Variants in FRAS1 observed in about 807,000 individuals in gnomAD.
FRAS1 encodes extracellular matrix organizing protein FRAS1.
A neutral mutation model predicts 435.2 loss-of-function variants in FRAS1; 290 were observed. The observed-to-expected ratio is 0.67, with a 90% confidence interval of 0.61 to 0.73. The LOEUF is 0.73. Among genes scored for constraint, FRAS1 ranks in the 30% least tolerant of loss-of-function variants. The pLI is 0.00. For synonymous variants in FRAS1, 1,800 were observed against 1,851.0 expected (o/e 0.97, Z 0.71); for missense variants, 4,860 against 5,001.5 (o/e 0.97, Z 0.85).
intron 47 of FRAS1, among the ~76,000 whole-genome samples, chr4:78,462,332 G>A (rs558674684): frequency 1.3e-5 from 2 of 151,958 alleles, no homozygotes; most frequent in African/African-American, 4.8e-5. Flanking sequence ...CTAAGATTGT[G>A]TCACTGCACT....
chr4:78,410,568 G>A (rs1384377717), intron 31 of FRAS1, among the ~76,000 whole-genome samples: 1 of 152,104 alleles, frequency 6.6e-6, no homozygotes, highest in Non-Finnish European at 1.5e-5. Flanking sequence ...GAACTCCTGT[G>A]TGAAATTGCC....
chr4:78,411,641 A>G (rs898564261), intron 31 of FRAS1, among the ~76,000 whole-genome samples: 1 of 152,198 alleles, frequency 6.6e-6, no homozygotes, highest in African/African-American at 2.4e-5. Context: ...GCCTTAGGAA[A>G]TGTGGTTCAA....
chr4:78,305,971 A>G (rs1480150124), intron 14 of FRAS1, among the ~76,000 whole-genome samples: 1 of 151,202 alleles, frequency 6.6e-6, no homozygotes, highest in East Asian at 1.9e-4. Context: ...TGGTCTTTAC[A>G]TTTTGGCATG....
intron 15 of FRAS1, among the ~76,000 whole-genome samples, chr4:78,312,735 G>A (rs1391542782): frequency 1.3e-5 from 2 of 152,052 alleles, no homozygotes; most frequent in African/African-American, 4.8e-5. Context: ...TGGAAGCTGA[G>A]GCAGGAGAAT....
At chr4:78,535,680 A>G (rs534284824) in intron 71 of FRAS1, among the ~76,000 whole-genome samples, 8 of 152,242 alleles carry the variant, frequency 5.3e-5, no homozygotes, top group Middle Eastern at 3.4e-3. Context: ...TTAGGTGCCT[A>G]TCTCTCACTA....
rs1378108639 is a variant in FRAS1, at chr4:78,407,673, C to A, written c.4140C>A (p.Val1380=). Residue 1380 remains valine (V), a synonymous_variant, in exon 31 of 74, where the codon GTC becomes GTA. Transcript: ENST00000512123. The part of the protein sequence containing the change: ...TQDYPQFGEV[V]LLVNMPADSP... ...CCTGTGCCTTCCTAGGGGAGGTGGT[C>A]CTTCTAGTGAATATGCCTGCAGACA... 1 of 1,611,676 alleles carries A rather than the reference C, an allele frequency of 6.2e-7. No individual in the cohort carries two copies. The highest frequency in any genetic ancestry group is 1.1e-5 in the South Asian group (1 of 90,466).
intron 60 of FRAS1, among the ~76,000 whole-genome samples, chr4:78,498,940 A>G (rs1006337367): frequency 2.0e-5 from 3 of 151,954 alleles, no homozygotes; most frequent in Non-Finnish European, 4.4e-5. Context: ...CTCGACCACC[A>G]GGGCTCAAGT....
In FRAS1 at chr4:78,356,046, T is replaced by C. The variant is rs192446694; in HGVS notation, c.2423-7467T>C. Among the ~76,000 whole-genome samples, 105 of 152,274 alleles carry C rather than the reference T, an allele frequency of 6.9e-4. 1 individual carries two copies. The highest frequency in any genetic ancestry group is 2.5e-3 in the African/African-American group (103 of 41,548). On this transcript the variant is annotated intron_variant, in intron 20 of 73. Coordinates refer to ENST00000512123, the MANE Select transcript of FRAS1 (RefSeq NM_025074.7). ...AGTAAAATGACTGGTGTCATAGCAG[T>C]TTATTGGGTCACATAGTTACCTCCC...
intron 33 of FRAS1, among the ~76,000 whole-genome samples, chr4:78,419,773 GA>G (rs1195175291): frequency 3.3e-5 from 5 of 152,182 alleles, no homozygotes; most frequent in Non-Finnish European, 7.3e-5. Context: ...GAGGCCTCAG[GA>G]AACTTACAAT....
chr4:78,058,047 C>A lies in FRAS1; in HGVS notation c.38C>A (p.Ala13Glu). The part of the protein sequence containing the change: ...VLKVWLGLAL[A>E]LAEFAVLPHH... ...AAAGTGTGGCTCGGGCTGGCCCTAG[C>A]GTTGGCGGAATTTGCAGTATTGCCT... Residue 13 changes from alanine (A) to glutamate (E), a missense_variant, in exon 1 of 74, where the codon GCG becomes GAG. Coordinates refer to ENST00000512123, the MANE Select transcript of FRAS1 (RefSeq NM_025074.7). The A allele has an allele frequency of 6.2e-7, 1 of 1,613,822 alleles. No homozygotes were observed. The highest frequency in any genetic ancestry group is 8.5e-7 in the Non-Finnish European group (1 of 1,179,856).
intron 2 of FRAS1, among the ~76,000 whole-genome samples, chr4:78,162,322 G>T (rs1010555271): frequency 2.0e-5 from 3 of 152,114 alleles, no homozygotes; most frequent in Non-Finnish European, 2.9e-5. Flanking sequence ...AGGAATTTAT[G>T]ATTATGTGTT....
At chr4:78,078,873 A>T (rs1740775931) in intron 2 of FRAS1, among the ~76,000 whole-genome samples, 1 of 152,156 alleles carries the variant, frequency 6.6e-6, no homozygotes, top group Admixed American at 6.6e-5. Context: ...CTGTTTAAAA[A>T]TTTTAAATTA....
At chr4:78,288,430 G>A (rs12511033) in intron 14 of FRAS1, among the ~76,000 whole-genome samples, 49,338 of 151,994 alleles carry the variant, frequency 0.32, 8,414 homozygotes, top group East Asian at 0.58. Flanking sequence ...TTTCTGGGGG[G>A]AGGGCATTTT....
At chr4:78,354,023 T>TAAAAAAAAAAAAAAAAA (rs767987937) in intron 20 of FRAS1, among the ~76,000 whole-genome samples, 248 of 105,910 alleles carry the variant, frequency 2.3e-3, no homozygotes, top group East Asian at 6.4e-3. Flanking sequence ...AAAAATAAAA[T>TAAAAAAAAAAAAAAAAA]AAAAAAAAAA....
At chr4:78,085,651 T>G (rs1249243016) in intron 2 of FRAS1, among the ~76,000 whole-genome samples, 1 of 151,996 alleles carries the variant, frequency 6.6e-6, no homozygotes, top group Non-Finnish European at 1.5e-5. Flanking sequence ...GTGGCTTGGT[T>G]AATAACAGTA....
chr4:78,417,583 G>T lies in FRAS1; in HGVS notation c.4426-1366G>T, dbSNP rs116491452. Among the ~76,000 whole-genome samples, 194 of 152,142 alleles carry T rather than the reference G, an allele frequency of 1.3e-3. 1 individual carries two copies. Among genetic ancestry groups the T allele is most frequent in the Non-Finnish European group, 1.8e-3 (125 of 68,004 alleles). ...GCTATTCGCAATTCTAATTTTCCTTGCTCATTACATTCCAGACCTGAGCAA... is the reference window on the plus strand; with the variant it reads ...GCTATTCGCAATTCTAATTTTCCTTTCTCATTACATTCCAGACCTGAGCAA... On this transcript the variant is annotated intron_variant, in intron 32 of 73. Transcript: ENST00000512123.
At chr4:78,467,211 C>T (rs1719559618) in intron 50 of FRAS1, among the ~76,000 whole-genome samples, 1 of 152,088 alleles carries the variant, frequency 6.6e-6, no homozygotes, top group Admixed American at 6.5e-5. Context: ...ACCCATTAAC[C>T]ATCTCTGCCC....
At chr4:78,466,504 A>C in intron 50 of FRAS1, 69 bp downstream of exon 50, 1 of 1,139,132 alleles carries the variant, frequency 8.8e-7, no homozygotes, top group South Asian at 1.5e-5. Context: ...GGAGTTTTAC[A>C]TCAAGCATAC....
At position 78,062,235 on chromosome 4, in the gene FRAS1, T is replaced by C. The variant is rs74441847; in HGVS notation, c.77-3750T>C. 4.1e-4 allele frequency among the ~76,000 whole-genome samples: 62 copies of C among 152,282 alleles called. No homozygotes were observed. In the East Asian group the frequency reaches 9.8e-3, roughly 24 times the overall value. On this transcript the variant is annotated intron_variant, in intron 1 of 73. Transcript: ENST00000512123. The stretch of plus-strand genomic sequence containing the variant: ...GTCAAAGTTGGAGCCTCATGCCAAA[T>C]CTTACCGTAGTTCCAAAACAGTTGG...
Sources: allele counts gnomAD v4.1 joint callset (sites outside exome capture counted in the v4.1 genomes callset), GRCh38; gene constraint gnomAD v4.1.1; transcripts MANE v1.5; gene names NCBI Gene and HGNC (gene_info 2026-07-23, HGNC 2026-07-21).